The following CHRM5 variants were observed in gnomAD, a reference collection of about 807,000 sequenced individuals.
CHRM5 encodes muscarinic acetylcholine receptor M5.
In CHRM5, 18 loss-of-function variants were observed where a neutral mutation model predicts 39.0. That is an observed-to-expected ratio of 0.46 (90% CI 0.32 to 0.68). The LOEUF (loss-of-function observed/expected upper bound fraction) is 0.68. Ranked by LOEUF, CHRM5 falls within the 30% of genes least tolerant of loss-of-function variation. The probability of loss-of-function intolerance (pLI) is 0.04; values close to 1 mark genes in which losing one functional copy is unlikely to be tolerated. For synonymous variants in CHRM5, 241 were observed against 246.3 expected (o/e 0.98, Z 0.20); for missense variants, 515 against 651.1 (o/e 0.79, Z 2.28).
At chr15:34,032,017 G>GCACACACA in intron 1 of CHRM5, among the ~76,000 whole-genome samples, 1 of 84,962 alleles carries the variant, frequency 1.2e-5, no homozygotes, top group South Asian at 5.7e-4. Flanking sequence ...ACATACGCGC[G>GCACACACA]CACACGCACA....
rs1597397028 is a variant in CHRM5 at position 34,064,805 on chromosome 15, G to T, written c.*489G>T. ...TGTTAACGAGACTGATATTCAACAGGCTTCTAAGAATATGTATCTTCATAA... is the reference window on the plus strand; with the variant it reads ...TGTTAACGAGACTGATATTCAACAGTCTTCTAAGAATATGTATCTTCATAA... On this transcript the variant is annotated 3_prime_UTR_variant, in exon 3 of 3. Transcript: ENST00000383263. The T allele has an allele frequency of 5.4e-6, 1 of 184,316 alleles. No homozygotes were observed. The highest frequency in any genetic ancestry group is 1.3e-5 in the Non-Finnish European group (1 of 77,556). 11.4% of individuals were successfully genotyped at this position (184,316 alleles called of 1,614,324 possible).
At chr15:34,031,635 A>G (rs1025727694) in intron 1 of CHRM5, among the ~76,000 whole-genome samples, 7 of 151,278 alleles carry the variant, frequency 4.6e-5, no homozygotes, top group African/African-American at 1.7e-4. Context: ...TTAATCTCCT[A>G]TTTTTTTTTG....
Position 34,064,444 on chromosome 15 carries a change from A to G in CHRM5, c.*128A>G. ...ATTTTGAGTCCTTGAAGATTTTTGT[A>G]AAGGCTCAAGTTTGGTTGCCAAATG... On this transcript the variant is annotated 3_prime_UTR_variant, in exon 3 of 3. Transcript: ENST00000383263. The G allele has an allele frequency of 8.3e-7, 1 of 1,206,884 alleles. No individual in the cohort carries two copies. The highest frequency in any genetic ancestry group is 1.6e-5 in the South Asian group (1 of 60,772). 74.8% of individuals were successfully genotyped at this position (1,206,884 alleles called of 1,614,324 possible).
chr15:34,056,090 A>G (rs752832263), intron 2 of CHRM5, among the ~76,000 whole-genome samples: 3 of 152,196 alleles, frequency 2.0e-5, no homozygotes, highest in African/African-American at 2.4e-5. Flanking sequence ...GGCTGTTTTC[A>G]CTACACTAAC....
chr15:34,004,784 T>G (rs1438589973), intron 1 of CHRM5, among the ~76,000 whole-genome samples: 1 of 152,150 alleles, frequency 6.6e-6, no homozygotes, highest in Non-Finnish European at 1.5e-5. Context: ...GTATTATTAT[T>G]CTATCTACTT....
intron 2 of CHRM5, among the ~76,000 whole-genome samples, chr15:34,062,050 A>AT (rs932540691): frequency 2.0e-5 from 3 of 151,586 alleles, no homozygotes; most frequent in East Asian, 1.9e-4. Context: ...TCAACAATCC[A>AT]TTTTTTTTCC....
chr15:34,047,079 T>TTA (rs1445895697), intron 2 of CHRM5, among the ~76,000 whole-genome samples: 2 of 151,210 alleles, frequency 1.3e-5, no homozygotes, highest in African/African-American at 2.4e-5. Flanking sequence ...GTTGGTTTTT[T>TTA]TTTTTTTCTT....
intron 1 of CHRM5, among the ~76,000 whole-genome samples, chr15:34,027,415 G>A (rs1418832558): frequency 6.6e-6 from 1 of 151,842 alleles, no homozygotes; most frequent in South Asian, 2.1e-4. Context: ...TGTAATCCCA[G>A]CTACACAGGA....
intron 1 of CHRM5, among the ~76,000 whole-genome samples, chr15:34,012,402 TG>T (rs1197613907): frequency 6.6e-6 from 1 of 152,206 alleles, no homozygotes; most frequent in African/African-American, 2.4e-5. Flanking sequence ...TGAGCATTTC[TG>T]GGTGATCTTG....
At chr15:33,975,757 C>T (rs557135840) in intron 1 of CHRM5, among the ~76,000 whole-genome samples, 4 of 152,170 alleles carry the variant, frequency 2.6e-5, no homozygotes, top group African/African-American at 9.6e-5. Context: ...TGGTGAAATC[C>T]CATCTCTACT....
intron 1 of CHRM5, chr15:34,003,185 T>A: frequency 6.2e-7 from 1 of 1,613,684 alleles, no homozygotes; most frequent in Non-Finnish European, 8.5e-7. Flanking sequence ...TCTCCATAGG[T>A]CTCTGCATCG....
chr15:34,022,603 T>A (rs1898251203), intron 1 of CHRM5, among the ~76,000 whole-genome samples: 1 of 152,228 alleles, frequency 6.6e-6, no homozygotes, highest in Non-Finnish European at 1.5e-5. Context: ...AGCCTGAACA[T>A]CTGCATGCTG....
intron 1 of CHRM5, among the ~76,000 whole-genome samples, chr15:34,030,836 T>C (rs1209070877): frequency 6.6e-6 from 1 of 151,998 alleles, no homozygotes; most frequent in Non-Finnish European, 1.5e-5. Flanking sequence ...CAGGCTGGTC[T>C]TGAACTCCTG....
At chr15:33,971,972 G>A (rs900497776) in intron 1 of CHRM5, 4 of 152,060 alleles carry the variant, frequency 2.6e-5, no homozygotes, top group African/African-American at 9.7e-5. Context: ...TATGCTTTCA[G>A]TGTGAACTAG....
At chr15:34,044,499 A>G (rs1567486375) in intron 1 of CHRM5, among the ~76,000 whole-genome samples, 1 of 152,232 alleles carries the variant, frequency 6.6e-6, no homozygotes, top group Non-Finnish European at 1.5e-5. Context: ...GCAACAGTCA[A>G]GGGCTTCTGT....
intron 1 of CHRM5, among the ~76,000 whole-genome samples, chr15:33,978,726 C>T (rs1896003640): frequency 6.6e-6 from 1 of 151,808 alleles, no homozygotes; most frequent in Admixed American, 6.6e-5. Flanking sequence ...AATTCGTCCC[C>T]AGGCATTTGA....
chr15:34,039,626 G>A (rs1341560158), intron 1 of CHRM5, among the ~76,000 whole-genome samples: 1 of 152,180 alleles, frequency 6.6e-6, no homozygotes, highest in Admixed American at 6.5e-5. Context: ...TGTCTGGTGA[G>A]AGGTGGACTG....
At chr15:34,011,299 A>T (rs1180721130) in intron 1 of CHRM5, among the ~76,000 whole-genome samples, 1 of 152,236 alleles carries the variant, frequency 6.6e-6, no homozygotes, top group Non-Finnish European at 1.5e-5. Context: ...TAAAACATTG[A>T]ATAAAAAAGG....
intron 1 of CHRM5, among the ~76,000 whole-genome samples, chr15:34,025,149 G>A (rs1015841440): frequency 2.0e-5 from 3 of 152,128 alleles, no homozygotes; most frequent in African/African-American, 4.8e-5. Flanking sequence ...CACCCTGGGC[G>A]ATGGAGTGAG....
Sources: gnomAD v4.1 joint callset for allele counts (sites outside exome capture counted in the v4.1 genomes callset) on GRCh38, gnomAD v4.1.1 for gene constraint, MANE v1.5 for transcripts, NCBI Gene and HGNC (gene_info 2026-07-23, HGNC 2026-07-21) for gene names.